The following EVI5 variants were observed in gnomAD, a reference collection of about 807,000 sequenced individuals.
EVI5 encodes the protein ecotropic viral integration site 5 protein homolog.
EVI5 carries 73 observed loss-of-function variants against 112.0 expected under a neutral mutation model. That is an observed-to-expected ratio of 0.65 (90% CI 0.54 to 0.79). The LOEUF is 0.79. Ranked by LOEUF, EVI5 falls within the 30% of genes least tolerant of loss-of-function variation. EVI5 has a pLI of 0.00. For missense variants in EVI5, 900 were observed against 968.8 expected, an observed-to-expected ratio of 0.93 and a Z score of 0.94; for synonymous variants, 305 against 319.9, an observed-to-expected ratio of 0.95 and a Z score of 0.50.
intron 2 of EVI5, among the ~76,000 whole-genome samples, chr1:92,717,883 C>A (rs1424058307): frequency 2.7e-5 from 4 of 150,694 alleles, no homozygotes; most frequent in Admixed American, 6.6e-5. Context: ...AAAAAAAAAA[C>A]CAGGGGTTGC....
At position 92,662,849 on chromosome 1, in the gene EVI5, G is replaced by C. The variant is rs1479550351; in HGVS notation, c.1262C>G (p.Ala421Gly). The C allele has an allele frequency of 7.8e-7, 1 of 1,287,324 alleles. No individual in the cohort carries two copies. The highest frequency in any genetic ancestry group is 1.2e-5 in the South Asian group (1 of 80,620). 79.7% of individuals were successfully genotyped at this position (1,287,324 alleles called of 1,614,324 possible). ...DRLIQGQVTR[A>G]QEAEENYLIK... ...GAGGTAGTTTTCCTCAGCCTCCTGG[G>C]CTCTTGTCACTTGTCCCTTAGGACA... Residue 421 changes from alanine to glycine, a missense_variant, in exon 13 of 20, where the codon GCC becomes GGC. By Grantham distance (60) the Ala-to-Gly change is moderately conservative. Coordinates refer to ENST00000684568, the MANE Select transcript of EVI5 (RefSeq NM_001350197.2).
intron 18 of EVI5, among the ~76,000 whole-genome samples, chr1:92,602,826 AC>A (rs1437915899): frequency 3.3e-5 from 5 of 152,218 alleles, no homozygotes; most frequent in African/African-American, 7.2e-5. Flanking sequence ...ACCAAAAAAA[AC>A]AAAACAAAAC....
At chr1:92,645,173 G>GACATACATTCCTAAACAC (rs1553223984) in intron 13 of EVI5, among the ~76,000 whole-genome samples, 1 of 152,052 alleles carries the variant, frequency 6.6e-6, no homozygotes, top group African/African-American at 2.4e-5. Flanking sequence ...TATATTAGGT[G>GACATACATTCCTAAACAC]ACATACATTC....
chr1:92,515,219 T>C (rs1406929990), intron 19 of EVI5, among the ~76,000 whole-genome samples: 1 of 152,220 alleles, frequency 6.6e-6, no homozygotes, highest in Non-Finnish European at 1.5e-5. Context: ...AAAAGCTACC[T>C]GTTACTGGGT....
intron 14 of EVI5, among the ~76,000 whole-genome samples, chr1:92,629,656 CTTT>C (rs749218683): frequency 1.3e-5 from 2 of 150,998 alleles, no homozygotes; most frequent in Non-Finnish European, 3.0e-5. Flanking sequence ...ATGAAATTTT[CTTT>C]TTTTTTCTTT....
intron 16 of EVI5, among the ~76,000 whole-genome samples, chr1:92,619,156 CAA>C (rs1277099279): frequency 6.6e-6 from 1 of 152,014 alleles, no homozygotes; most frequent in African/African-American, 2.4e-5. Context: ...AGGGTGTTGC[CAA>C]AAGAGATTAA....
intron 19 of EVI5, among the ~76,000 whole-genome samples, chr1:92,536,487 C>T (rs1663918837): frequency 6.6e-6 from 1 of 152,128 alleles, no homozygotes; most frequent in South Asian, 2.1e-4. Context: ...AAGATTACAG[C>T]TATTCCACGC....
chr1:92,582,529 A>C (rs894073679), intron 18 of EVI5, among the ~76,000 whole-genome samples: 4 of 152,144 alleles, frequency 2.6e-5, no homozygotes, highest in African/African-American at 9.7e-5. Flanking sequence ...GCACAAGCAA[A>C]AGCCTTAATG....
At chr1:92,754,063 A>G (rs1680565626) in intron 1 of EVI5, among the ~76,000 whole-genome samples, 1 of 152,202 alleles carries the variant, frequency 6.6e-6, no homozygotes, top group South Asian at 2.1e-4. Flanking sequence ...TTCAAAATCA[A>G]TGCCATACTC....
chr1:92,747,636 C>T (rs1253004907), intron 1 of EVI5, among the ~76,000 whole-genome samples: 2 of 148,906 alleles, frequency 1.3e-5, no homozygotes, highest in Non-Finnish European at 3.0e-5. Context: ...ATTGTTTGAA[C>T]CCGGAAGGCG....
intron 1 of EVI5, among the ~76,000 whole-genome samples, chr1:92,740,659 T>A (rs1678229320): frequency 6.6e-6 from 1 of 152,208 alleles, no homozygotes; most frequent in Non-Finnish European, 1.5e-5. Context: ...TATGTGTGTG[T>A]CTGTATACAT....
chr1:92,620,934 A>G (rs778034387), intron 16 of EVI5, among the ~76,000 whole-genome samples: 6 of 152,146 alleles, frequency 3.9e-5, no homozygotes, highest in Non-Finnish European at 7.3e-5. Flanking sequence ...CAATTTCACA[A>G]AAGAGGTAGA....
intron 16 of EVI5, among the ~76,000 whole-genome samples, chr1:92,615,798 G>C (rs903137425): frequency 5.3e-5 from 8 of 152,112 alleles, no homozygotes; most frequent in African/African-American, 1.7e-4. Context: ...AGTCTCAGTG[G>C]GACCCTAGAG....
intron 19 of EVI5, among the ~76,000 whole-genome samples, chr1:92,527,952 G>A (rs1314699313): frequency 6.6e-6 from 1 of 152,126 alleles, no homozygotes; most frequent in Non-Finnish European, 1.5e-5. Context: ...CTTTTGGTCA[G>A]TATATGTACT....
intron 9 of EVI5, among the ~76,000 whole-genome samples, chr1:92,682,303 G>C (rs1667726089): frequency 6.6e-6 from 1 of 152,144 alleles, no homozygotes; most frequent in East Asian, 1.9e-4. Context: ...CTGTCTAAAA[G>C]AGTGCTCATC....
intron 13 of EVI5, among the ~76,000 whole-genome samples, chr1:92,639,021 T>G (rs950884808): frequency 2.0e-5 from 3 of 152,156 alleles, no homozygotes; most frequent in Admixed American, 6.5e-5. Flanking sequence ...TTTTACCAAA[T>G]GACAACTGCC....
intron 1 of EVI5, among the ~76,000 whole-genome samples, chr1:92,776,537 T>C (rs911225439): frequency 1.3e-5 from 2 of 152,280 alleles, no homozygotes; most frequent in African/African-American, 4.8e-5. Flanking sequence ...TAACTTTTTC[T>C]AGTCTAGAAG....
intron 2 of EVI5, among the ~76,000 whole-genome samples, chr1:92,707,179 C>CA (rs1299441165): frequency 0.029 from 742 of 25,330 alleles, 21 homozygotes; most frequent in Middle Eastern, 0.091. Flanking sequence ...AACTCTGTCT[C>CA]AAAAAAAAAA....
intron 2 of EVI5, among the ~76,000 whole-genome samples, chr1:92,705,108 A>G (rs1334733966): frequency 6.6e-6 from 1 of 152,240 alleles, no homozygotes; most frequent in Admixed American, 6.5e-5. Flanking sequence ...CAACAAATCT[A>G]TGAAATAACC....
Sources: allele counts gnomAD v4.1 joint callset (sites outside exome capture counted in the v4.1 genomes callset), GRCh38; gene constraint gnomAD v4.1.1; transcripts MANE v1.5; gene names NCBI Gene and HGNC (gene_info 2026-07-23, HGNC 2026-07-21).